DIP2C: variants seen among roughly 807,000 people sequenced by gnomAD.
DIP2C encodes DIP2 acetate--CoA ligase C (putative), also known as disco-interacting protein 2 homolog C.
Under a neutral mutation model 192.4 loss-of-function variants are expected in DIP2C, and 33 were observed. That is an observed-to-expected ratio of 0.17 (90% CI 0.13 to 0.23). The LOEUF is 0.23. DIP2C is among the 10% of genes least tolerant of loss of function. DIP2C has a pLI of 1.00. For synonymous variants in DIP2C, 979 were observed against 864.1 expected (o/e 1.13, Z -2.33); for missense variants, 1,537 against 2,110.1 (o/e 0.73, Z 5.32).
intron 1 of DIP2C, among the ~76,000 whole-genome samples, chr10:648,105 C>T (rs1324225273): frequency 2.0e-5 from 3 of 149,006 alleles, no homozygotes; most frequent in Non-Finnish European, 3.0e-5. Flanking sequence ...AAACAGTCCA[C>T]GTCCACATTG....
intron 21 of DIP2C, among the ~76,000 whole-genome samples, chr10:362,984 G>A (rs765903913): frequency 6.6e-6 from 1 of 152,076 alleles, no homozygotes; most frequent in Non-Finnish European, 1.5e-5. Context: ...CAAGGTGTCC[G>A]GTAGGAACCA....
chr10:313,087 G>T (rs549944382), intron 31 of DIP2C, among the ~76,000 whole-genome samples: 98 of 152,220 alleles, frequency 6.4e-4, no homozygotes, highest in African/African-American at 2.3e-3. Context: ...AGATATAGCT[G>T]CTTCCAAATT....
chr10:513,820 CCT>C (rs1268921649), intron 1 of DIP2C, among the ~76,000 whole-genome samples: 1 of 152,134 alleles, frequency 6.6e-6, no homozygotes, highest in Non-Finnish European at 1.5e-5. Context: ...CCTAATCGAA[CCT>C]CTCAAGAAAT....
chr10:637,103 G>A (rs1035420604), intron 1 of DIP2C, among the ~76,000 whole-genome samples: 6 of 152,260 alleles, frequency 3.9e-5, no homozygotes, highest in African/African-American at 1.2e-4. Flanking sequence ...GATTCCACAC[G>A]GTCCCACCTG....
At chr10:297,216 A>G (rs1428168370) in intron 32 of DIP2C, among the ~76,000 whole-genome samples, 3 of 137,826 alleles carry the variant, frequency 2.2e-5, no homozygotes, top group Non-Finnish European at 4.6e-5. Context: ...ACAAAACAAA[A>G]CCAACCCCCC....
intron 1 of DIP2C, among the ~76,000 whole-genome samples, chr10:557,136 C>T (rs374598559): frequency 6.6e-6 from 1 of 152,208 alleles, no homozygotes; most frequent in Admixed American, 6.5e-5. Context: ...ACCAGCACTC[C>T]TATGTCTCTG....
At chr10:383,992 C>T (rs7092412) in intron 16 of DIP2C, 35 bp downstream of exon 16, 564,105 of 1,471,504 alleles carry the variant, frequency 0.38, 110,240 homozygotes, top group East Asian at 0.5. Flanking sequence ...CTCCACAGCC[C>T]GCCTGCCTCA....
At chr10:511,344 G>A (rs1047320011) in intron 1 of DIP2C, among the ~76,000 whole-genome samples, 5 of 152,212 alleles carry the variant, frequency 3.3e-5, no homozygotes, top group African/African-American at 1.2e-4. Context: ...CTCAGCCAAT[G>A]GGGCAACAGA....
intron 34 of DIP2C, among the ~76,000 whole-genome samples, chr10:284,731 C>T (rs544910337): frequency 6.9e-4 from 105 of 152,180 alleles, no homozygotes; most frequent in African/African-American, 2.5e-3. Flanking sequence ...AGAATAGATC[C>T]TAAATGTTCT....
At chr10:635,845 T>A (rs901654211) in intron 1 of DIP2C, among the ~76,000 whole-genome samples, 1 of 152,046 alleles carries the variant, frequency 6.6e-6, no homozygotes, top group Non-Finnish European at 1.5e-5. Context: ...AGAGGCTGCC[T>A]CACCGGCCCA....
At chr10:422,688 C>CGAA (rs1470735195) in intron 5 of DIP2C, 136 bp downstream of exon 5, 1 of 1,083,014 alleles carries the variant, frequency 9.2e-7, no homozygotes, top group African/African-American at 1.6e-5. Flanking sequence ...ACAATCCAGC[C>CGAA]AAAGCACCCC....
At chr10:498,212 T>C (rs1844984679) in intron 1 of DIP2C, among the ~76,000 whole-genome samples, 1 of 152,200 alleles carries the variant, frequency 6.6e-6, no homozygotes, top group East Asian at 1.9e-4. Flanking sequence ...TCCCAACCTC[T>C]TGCTATCCAG....
At chr10:355,956 T>C (rs991316062) in intron 24 of DIP2C, among the ~76,000 whole-genome samples, 9 of 152,254 alleles carry the variant, frequency 5.9e-5, no homozygotes, top group African/African-American at 2.2e-4. Context: ...TGGTGGGCAC[T>C]TGTAGTCCCA....
intron 1 of DIP2C, among the ~76,000 whole-genome samples, chr10:603,028 G>C (rs889346720): frequency 2.3e-4 from 35 of 151,962 alleles, no homozygotes; most frequent in Admixed American, 6.6e-5. Context: ...TCCACCCTAC[G>C]TCTTATAAAA....
At chr10:297,058 G>C (rs1955789333) in intron 32 of DIP2C, among the ~76,000 whole-genome samples, 3 of 151,872 alleles carry the variant, frequency 2.0e-5, no homozygotes, top group Admixed American at 1.3e-4. Context: ...AAATTAACTG[G>C]GCGTAGTGGC....
chr10:681,219 A>G (rs371971009), intron 1 of DIP2C, among the ~76,000 whole-genome samples: 2 of 150,138 alleles, frequency 1.3e-5, no homozygotes, highest in African/African-American at 2.5e-5. Context: ...GCCACCATCT[A>G]TGGCCACGGA....
intron 1 of DIP2C, among the ~76,000 whole-genome samples, chr10:552,874 T>A (rs1292977725): frequency 6.6e-6 from 1 of 152,184 alleles, no homozygotes; most frequent in Non-Finnish European, 1.5e-5. Flanking sequence ...ACACCCCATG[T>A]CTGCCCTGGC....
intron 3 of DIP2C, among the ~76,000 whole-genome samples, chr10:454,448 G>A (rs1027554954): frequency 4.6e-5 from 7 of 152,112 alleles, no homozygotes; most frequent in African/African-American, 1.7e-4. Context: ...AGAGAAAGAG[G>A]TAGTATACAA....
intron 2 of DIP2C, among the ~76,000 whole-genome samples, chr10:478,843 C>T (rs1265983424): frequency 6.6e-6 from 1 of 152,072 alleles, no homozygotes; most frequent in Non-Finnish European, 1.5e-5. Context: ...GCTGGGGGTG[C>T]AGATAGCAAC....
Sources: gnomAD v4.1 joint callset for allele counts (sites outside exome capture counted in the v4.1 genomes callset) on GRCh38, gnomAD v4.1.1 for gene constraint, MANE v1.5 for transcripts, NCBI Gene and HGNC (gene_info 2026-07-23, HGNC 2026-07-21) for gene names.